The following SLC8A1 variants were observed in gnomAD, a reference collection of about 807,000 sequenced individuals.
The protein encoded by SLC8A1 is solute carrier family 8 member A1.
In SLC8A1, 18 loss-of-function variants were observed where a neutral mutation model predicts 68.3. The ratio of observed to expected loss-of-function variants is 0.26; its 90% CI spans 0.18 to 0.39. The LOEUF is 0.39. SLC8A1 is among the 10% of genes least tolerant of loss of function. The pLI is 1.00. For missense variants in SLC8A1, 985 were observed against 1,156.7 expected, an observed-to-expected ratio of 0.85 and a Z score of 2.15; for synonymous variants, 475 against 415.5, an observed-to-expected ratio of 1.14 and a Z score of -1.74.
chr2:40,300,742 GCTGA>G (rs1177871221), intron 2 of SLC8A1, among the ~76,000 whole-genome samples: 1 of 152,114 alleles, frequency 6.6e-6, no homozygotes, highest in Non-Finnish European at 1.5e-5. Context: ...TCAGGAAAAG[GCTGA>G]AGACACCAGC....
chr2:40,156,200 T>C (rs1390031663), intron 6 of SLC8A1, among the ~76,000 whole-genome samples: 1 of 152,212 alleles, frequency 6.6e-6, no homozygotes, highest in Non-Finnish European at 1.5e-5. Context: ...AGGACTATAA[T>C]GGCCATCGAC....
rs185579651 is a variant in SLC8A1, at chr2:40,349,225, T to C, written c.1808+79248A>G. ...GTTTTTCCATCAAATATGTCAAGTC[T>C]GAAAAAAACCGAAGACATGTCTTAA... On this transcript the variant is annotated intron_variant, in intron 2 of 7. Coordinates refer to ENST00000406785, the Ensembl canonical transcript of SLC8A1. Among the ~76,000 whole-genome samples the C allele has an allele frequency of 5.1e-4, 77 of 152,216 alleles. 2 individuals carry two copies. In the East Asian group the frequency reaches 0.014, roughly 27 times the overall value.
intron 2 of SLC8A1, among the ~76,000 whole-genome samples, chr2:40,248,774 G>C (rs1425107028): frequency 6.6e-6 from 1 of 152,158 alleles, no homozygotes. Context: ...CCAGGAGAAA[G>C]ATTGAAGGTG....
At chr2:40,235,331 A>G (rs1038553409) in intron 2 of SLC8A1, among the ~76,000 whole-genome samples, 2 of 151,568 alleles carry the variant, frequency 1.3e-5, no homozygotes, top group African/African-American at 2.4e-5. Flanking sequence ...GTCTTGGGAG[A>G]GTGTATGTGT....
intron 6 of SLC8A1, among the ~76,000 whole-genome samples, chr2:40,156,526 C>G (rs1018945518): frequency 1.1e-4 from 17 of 151,918 alleles, no homozygotes; most frequent in Non-Finnish European, 2.1e-4. Context: ...AGTGTGTTGA[C>G]TTCAAAGAAT....
At chr2:40,154,470 A>AT (rs1330373187) in intron 6 of SLC8A1, among the ~76,000 whole-genome samples, 2 of 76,926 alleles carry the variant, frequency 2.6e-5, no homozygotes, top group Admixed American at 2.0e-4. Context: ...TGCCCGGCTA[A>AT]TTTTTTTTCT....
At position 40,120,205 on chromosome 2, in the gene SLC8A1, T is replaced by A. The variant is rs73927114; in HGVS notation, c.2438-4576A>T. The stretch of plus-strand genomic sequence containing the variant: ...AGATGGTTCATCTTATTCTTGGCTC[T>A]TAGTGTTCTTTGGGGACCAGCTGTT... On this transcript the variant is annotated intron_variant, in intron 7 of 7. Coordinates refer to ENST00000406785, the Ensembl canonical transcript of SLC8A1. 3.8e-3 allele frequency among the ~76,000 whole-genome samples: 577 copies of A among 152,342 alleles called. 4 individuals are homozygous for A. Among genetic ancestry groups the A allele is most frequent in the African/African-American group, 0.013 (539 of 41,570 alleles).
intron 7 of SLC8A1, among the ~76,000 whole-genome samples, chr2:40,125,369 T>C (rs1370785523): frequency 6.6e-6 from 1 of 152,116 alleles, no homozygotes; most frequent in Non-Finnish European, 1.5e-5. Flanking sequence ...CGAGGGTGCC[T>C]AGGACAGTCC....
At chr2:40,112,394 T>C (rs565013135) in exon 8 of SLC8A1, 1 of 147,170 alleles carries the variant, frequency 6.8e-6, no homozygotes, top group East Asian at 2.0e-4. Context: ...TACACAACTA[T>C]AATAATAACA....
rs543194094 is a variant in SLC8A1 at position 40,194,469 on chromosome 2, ATGTGTGTG to A, written c.1809-16622_1809-16615del. Among the ~76,000 whole-genome samples, 1,349 of 137,440 alleles carry A rather than the reference ATGTGTGTG, an allele frequency of 9.8e-3. 29 individuals are homozygous for A. Among genetic ancestry groups the A allele is most frequent in the African/African-American group, 0.034 (1,259 of 36,976 alleles). 90.2% of individuals were successfully genotyped at this position (137,440 alleles called of 152,430 possible). A position where few individuals can be genotyped will look rare whatever the true frequency, so the allele number is the denominator to read the frequency against. On this transcript the variant is annotated intron_variant, in intron 2 of 7. Transcript: ENST00000406785. ...AATGACTCAGGTTACTCAGTAAGCA[ATGTGTGTG>A]TGTGTGTGTGTGTGTGTGTGTGTGT...
chr2:40,430,109 C>G, exon 2 of SLC8A1: 1 of 1,613,824 alleles, frequency 6.2e-7, no homozygotes, highest in Non-Finnish European at 8.5e-7. Flanking sequence ...AAAATCACCC[C>G]TTTCTTACAG....
chr2:40,318,167 T>A (rs1575358225), intron 2 of SLC8A1, among the ~76,000 whole-genome samples: 1 of 152,002 alleles, frequency 6.6e-6, no homozygotes, highest in South Asian at 2.1e-4. Context: ...AGTTTGGGAG[T>A]GGTAAAAACA....
At chr2:40,292,907 C>G (rs1172531348) in intron 2 of SLC8A1, among the ~76,000 whole-genome samples, 1 of 152,048 alleles carries the variant, frequency 6.6e-6, no homozygotes, top group East Asian at 1.9e-4. Flanking sequence ...ATAGAGAATA[C>G]GCATTTGGAA....
intron 1 of SLC8A1, among the ~76,000 whole-genome samples, chr2:40,457,744 G>C (rs1386310744): frequency 6.6e-6 from 1 of 152,080 alleles, no homozygotes; most frequent in Non-Finnish European, 1.5e-5. Flanking sequence ...GTCACCTTTG[G>C]GTTTGTTTCA....
chr2:40,258,705 G>T (rs1409585541), intron 2 of SLC8A1, among the ~76,000 whole-genome samples: 1 of 151,996 alleles, frequency 6.6e-6, no homozygotes, highest in African/African-American at 2.4e-5. Context: ...AGCCAGGTGT[G>T]GCGGCAGGCA....
At chr2:40,461,925 TAA>T (rs1274046899) in intron 1 of SLC8A1, among the ~76,000 whole-genome samples, 2 of 151,670 alleles carry the variant, frequency 1.3e-5, no homozygotes, top group Admixed American at 1.3e-4. Flanking sequence ...CTTGACATTA[TAA>T]GATATATTTA....
intron 2 of SLC8A1, among the ~76,000 whole-genome samples, chr2:40,342,034 TTTAG>T (rs1375276656): frequency 6.6e-6 from 1 of 152,132 alleles, no homozygotes; most frequent in Admixed American, 6.5e-5. Context: ...TCAAAGGTTA[TTTAG>T]TTACTTAGAG....
At chr2:40,129,929 C>T (rs1220630271) in intron 7 of SLC8A1, among the ~76,000 whole-genome samples, 2 of 152,134 alleles carry the variant, frequency 1.3e-5, no homozygotes, top group African/African-American at 2.4e-5. Flanking sequence ...AATCCAAAGG[C>T]TCTGCAGGAC....
At chr2:40,115,888 C>A (rs1365343709) in intron 7 of SLC8A1, among the ~76,000 whole-genome samples, 1 of 152,180 alleles carries the variant, frequency 6.6e-6, no homozygotes, top group African/African-American at 2.4e-5. Flanking sequence ...ACAGATACTG[C>A]AGTTCTTTGT....
Sources: gnomAD v4.1 joint callset for allele counts (sites outside exome capture counted in the v4.1 genomes callset) on GRCh38, gnomAD v4.1.1 for gene constraint, MANE v1.5 for transcripts, NCBI Gene and HGNC (gene_info 2026-07-23, HGNC 2026-07-21) for gene names.